Variants in ZNF676 observed in about 807,000 individuals in gnomAD.
ZNF676 encodes zinc finger protein 676.
In ZNF676, 4 loss-of-function variants were observed where a neutral mutation model predicts 6.0. The ratio of observed to expected loss-of-function variants is 0.67; its 90% CI spans 0.33 to 1.53. The LOEUF (loss-of-function observed/expected upper bound fraction) is 1.53, where lower values mean the gene tolerates loss of function less well. Among genes scored for constraint, ZNF676 ranks in the 40% most tolerant of loss-of-function variants. The pLI is 0.06. For synonymous variants in ZNF676, 198 were observed against 223.1 expected, an observed-to-expected ratio of 0.89 and a Z score of 1.00; for missense variants, 644 against 679.7, an observed-to-expected ratio of 0.95 and a Z score of 0.58.
chr19:22,204,980 A>AGG (rs2024062407), intron 1 of ZNF676, among the ~76,000 whole-genome samples: 1 of 152,192 alleles, frequency 6.6e-6, no homozygotes, highest in African/African-American at 2.4e-5. Context: ...CACATATGAG[A>AGG]ATAAAGCCTC....
upstream of ZNF676, among the ~76,000 whole-genome samples, chr19:22,216,615 C>CTT (rs35772066): frequency 2.5e-3 from 374 of 150,004 alleles, 3 homozygotes; most frequent in South Asian, 2.5e-3. Context: ...TTTTAATAGC[C>CTT]TTTTTTTTTA....
the ZNF676 span, among the ~76,000 whole-genome samples, chr19:22,253,402 G>GTATATATATATATA: frequency 1.9e-5 from 2 of 106,336 alleles, no homozygotes; most frequent in East Asian, 5.6e-4. Context: ...ATATGATAAT[G>GTATATATATATATA]TGTATATATA....
At chr19:22,259,004 G>A in the ZNF676 span, among the ~76,000 whole-genome samples, 22 of 152,320 alleles carry the variant, frequency 1.4e-4, no homozygotes, top group African/African-American at 5.3e-4. Flanking sequence ...CCTTAGTGGA[G>A]TCAAAGTCTC....
the ZNF676 span, among the ~76,000 whole-genome samples, chr19:22,222,612 C>T: frequency 0.026 from 4,022 of 152,110 alleles, 82 homozygotes; most frequent in Admixed American, 0.059. Flanking sequence ...TTGTAAATTT[C>T]GTGGAGCAAA....
At chr19:22,212,239 A>C (rs1041258352) in intron 1 of ZNF676, among the ~76,000 whole-genome samples, 2 of 151,334 alleles carry the variant, frequency 1.3e-5, no homozygotes, top group Non-Finnish European at 2.9e-5. Context: ...AGAAAACCAC[A>C]CCTGAGAAAA....
At chr19:22,226,704 C>A in the ZNF676 span, among the ~76,000 whole-genome samples, 1 of 151,576 alleles carries the variant, frequency 6.6e-6, no homozygotes, top group Non-Finnish European at 1.5e-5. Context: ...TCAAGTGATT[C>A]TCCTGCCTCA....
the ZNF676 span, among the ~76,000 whole-genome samples, chr19:22,227,363 G>A: frequency 4.0e-3 from 607 of 152,276 alleles, 1 homozygote; most frequent in Non-Finnish European, 6.5e-3. Context: ...ACAAAGCAGT[G>A]CTTAGAGGGA....
chr19:22,193,619 T>TCCA (rs1409038130), intron 1 of ZNF676, among the ~76,000 whole-genome samples: 1 of 152,120 alleles, frequency 6.6e-6, no homozygotes, highest in Non-Finnish European at 1.5e-5. Context: ...GGAAGAATTG[T>TCCA]CCATTTGCTA....
At chr19:22,188,230 T>C (rs753372854) in intron 2 of ZNF676, among the ~76,000 whole-genome samples, 10 of 152,022 alleles carry the variant, frequency 6.6e-5, no homozygotes, top group Non-Finnish European at 1.3e-4. Context: ...ATAAATGTAA[T>C]CTATCACATA....
At chr19:22,197,399 C>A (rs1019186695), upstream of ZNF676, among the ~76,000 whole-genome samples, 3 of 150,496 alleles carry the variant, frequency 2.0e-5, no homozygotes, top group South Asian at 2.1e-4. Flanking sequence ...ATGGAATAGA[C>A]ATGTTGAGTT....
chr19:22,241,761 C>G, the ZNF676 span, among the ~76,000 whole-genome samples: 140 of 151,924 alleles, frequency 9.2e-4, no homozygotes, highest in African/African-American at 3.2e-3. Flanking sequence ...TGACCTGCTC[C>G]GGAGAGGAGA....
chr19:22,223,750 C>T, the ZNF676 span, among the ~76,000 whole-genome samples: 1 of 151,938 alleles, frequency 6.6e-6, no homozygotes, highest in African/African-American at 2.4e-5. Flanking sequence ...TTTCCATTCA[C>T]TTTCTTCAGC....
chr19:22,193,724 G>A (rs930185015), intron 1 of ZNF676, among the ~76,000 whole-genome samples: 7 of 152,052 alleles, frequency 4.6e-5, no homozygotes, highest in East Asian at 3.9e-4. Context: ...CTGATGCTGC[G>A]GCTAGGGAAC....
Position 22,181,569 on chromosome 19 carries a change from A to G in ZNF676, c.148T>C (p.Ser50Pro). 6.4e-7 allele frequency: 1 copy of G among 1,569,750 alleles called. No individual in the cohort carries two copies. Among genetic ancestry groups the G allele is most frequent in the East Asian group, 2.3e-5 (1 of 44,370 alleles). The change falls in exon 3 of 3, where the codon TCC (serine) becomes CCC (proline). Residue 50 changes from serine (S) to proline (P), a missense_variant. Transcript: ENST00000397121. ...CCTTGCTCTGGCCAAAACTCTTGGG[A>G]AAAATGAGAACATATAACTGAAAAG... ...EEPPVICSHF[S>P]QEFWPEQGIE...
upstream of ZNF676, among the ~76,000 whole-genome samples, chr19:22,197,729 A>G (rs2023982536): frequency 6.6e-6 from 1 of 152,178 alleles, no homozygotes; most frequent in Non-Finnish European, 1.5e-5. Context: ...CTGCATAAAG[A>G]TATTTAATGA....
chr19:22,181,488 C>CA lies in ZNF676; in HGVS notation c.228dup (p.Glu77Ter), dbSNP rs1568525322. ...CAACTAATTTTTAAGTGTAAATTCT[C>CA]ATGTCCACATTTGTCATATCTTCTC... On this transcript the variant is annotated frameshift_variant, in exon 3 of 3. Transcript: ENST00000397121. LOFTEE classifies it low-confidence loss of function (END_TRUNC). 1 of 1,613,492 alleles carries CA rather than the reference C, an allele frequency of 6.2e-7. No homozygotes were observed. The highest frequency in any genetic ancestry group is 1.7e-5 in the Admixed American group (1 of 59,952).
At chr19:22,251,826 T>C in the ZNF676 span, among the ~76,000 whole-genome samples, 1 of 151,592 alleles carries the variant, frequency 6.6e-6, no homozygotes, top group South Asian at 2.1e-4. Flanking sequence ...AATCTAATTC[T>C]GAACACATAT....
At chr19:22,226,566 A>G in the ZNF676 span, among the ~76,000 whole-genome samples, 5 of 143,336 alleles carry the variant, frequency 3.5e-5, no homozygotes, top group Admixed American at 7.3e-5. Context: ...TTATTTATTT[A>G]TTTATTTTAT....
upstream of ZNF676, among the ~76,000 whole-genome samples, chr19:22,220,490 C>T (rs1432615452): frequency 2.8e-5 from 4 of 142,864 alleles, no homozygotes; most frequent in Non-Finnish European, 4.5e-5. Flanking sequence ...TTGAGTCTTG[C>T]GCTGTCACCC....
Sources: gnomAD v4.1 joint callset for allele counts (sites outside exome capture counted in the v4.1 genomes callset) on GRCh38, gnomAD v4.1.1 for gene constraint, MANE v1.5 for transcripts, NCBI Gene and HGNC (gene_info 2026-07-23, HGNC 2026-07-21) for gene names.